The following PCDHA10 variants were observed in gnomAD, a reference collection of about 807,000 sequenced individuals.
PCDHA10 encodes the protein protocadherin alpha-10.
A neutral mutation model predicts 61.2 loss-of-function variants in PCDHA10; 45 were observed. The observed-to-expected ratio is 0.74, with a 90% CI of 0.58 to 0.94. The LOEUF is 0.94. Among genes scored for constraint, PCDHA10 ranks in the 40% least tolerant of loss-of-function variants. The probability of loss-of-function intolerance (pLI) is 0.00; values close to 1 mark genes in which losing one functional copy is unlikely to be tolerated. For missense variants in PCDHA10, 1,278 were observed against 1,236.2 expected (o/e 1.03, Z -0.51); for synonymous variants, 602 against 548.8 (o/e 1.10, Z -1.35).
intron 1 of PCDHA10, chr5:140,884,367 T>G (rs2060126363): frequency 1.2e-6 from 2 of 1,613,928 alleles, no homozygotes; most frequent in Middle Eastern, 3.3e-4. Context: ...AATGTTTACT[T>G]GATCATTGCC....
chr5:140,968,652 ACCTGGACCT>A lies in PCDHA10; in HGVS notation c.2389-10295_2389-10287del, dbSNP rs1332508740. The A allele has an allele frequency of 1.9e-6, 3 of 1,614,000 alleles. No homozygotes were observed. In the African/African-American group the frequency reaches 4.0e-5, roughly 22 times the overall value. On this transcript the variant is annotated intron_variant, in intron 1 of 3. Transcript: ENST00000307360. ...TTTTACCATCTAGCCCAGACTTCTGACCTGGACCTCTTTAAGGTAGAGCTGCACACAGGA... is the reference window on the plus strand; with the variant it reads ...TTTTACCATCTAGCCCAGACTTCTGACTTTAAGGTAGAGCTGCACACAGGA...
rs1171497178 is a variant in PCDHA10, at chr5:140,993,431, C to A, written c.2536+10868C>A. 2.7e-5 allele frequency among the ~76,000 whole-genome samples: 4 copies of A among 149,406 alleles called. No homozygotes were observed. The Admixed American group carries it at 2.7e-4, about 10-fold the overall frequency. On this transcript the variant is annotated intron_variant, in intron 3 of 3. Coordinates refer to ENST00000307360, the MANE Select transcript of PCDHA10 (RefSeq NM_018901.4). ...TCATCAGCATTTCTCTTTTAAAATC[C>A]TTATTCATTCCTGTTCTCCTTCTTT...
At chr5:140,933,043 TTACAG>T (rs2088815102) in intron 1 of PCDHA10, among the ~76,000 whole-genome samples, 1 of 151,992 alleles carries the variant, frequency 6.6e-6, no homozygotes, top group Admixed American at 6.5e-5. Flanking sequence ...TGAATATGGA[TTACAG>T]TCCAGGATCC....
intron 1 of PCDHA10, chr5:140,884,600 C>T: frequency 6.2e-7 from 1 of 1,614,150 alleles, no homozygotes; most frequent in Non-Finnish European, 8.5e-7. Flanking sequence ...CAGCCTTCCT[C>T]CTTGTCTGGG....
chr5:140,973,450 T>C (rs1326852534), intron 1 of PCDHA10, among the ~76,000 whole-genome samples: 1 of 152,250 alleles, frequency 6.6e-6, no homozygotes, highest in Non-Finnish European at 1.5e-5. Context: ...TTATAATGAC[T>C]GGGGCTGTTT....
At chr5:140,883,627 G>A (rs781902332) in intron 1 of PCDHA10, 34 of 1,613,816 alleles carry the variant, frequency 2.1e-5, no homozygotes, top group Non-Finnish European at 2.7e-5. Context: ...ACAACGCGCC[G>A]GCGTTCGCGC....
chr5:140,955,156 G>A (rs556311036), intron 1 of PCDHA10, among the ~76,000 whole-genome samples: 25 of 152,262 alleles, frequency 1.6e-4, no homozygotes, highest in East Asian at 3.9e-4. Context: ...TACCAGTACC[G>A]TGCTGTTTTG....
At chr5:140,870,619 T>C in intron 1 of PCDHA10, 1 of 1,613,150 alleles carries the variant, frequency 6.2e-7, no homozygotes, top group Middle Eastern at 1.7e-4. Flanking sequence ...GCTGTCGAGC[T>C]ACGTGTCGGT....
intron 1 of PCDHA10, among the ~76,000 whole-genome samples, chr5:140,896,499 A>G (rs1029698205): frequency 6.6e-6 from 1 of 150,502 alleles, no homozygotes; most frequent in African/African-American, 2.4e-5. Flanking sequence ...AGTAGCTGGG[A>G]CTGTGCAGGC....
At chr5:140,882,331 C>G (rs781801545) in intron 1 of PCDHA10, 3 of 1,614,214 alleles carry the variant, frequency 1.9e-6, no homozygotes, top group South Asian at 1.1e-5. Flanking sequence ...TTCTGATCCT[C>G]GCAGCCTGGG....
chr5:140,891,974 C>T (rs2063333007), intron 1 of PCDHA10, among the ~76,000 whole-genome samples: 1 of 152,170 alleles, frequency 6.6e-6, no homozygotes, highest in South Asian at 2.1e-4. Context: ...AATTTCCGTT[C>T]TCATAAATTA....
At chr5:140,967,073 G>A (rs1554229137) in intron 1 of PCDHA10, 1 of 1,613,160 alleles carries the variant, frequency 6.2e-7, no homozygotes, top group South Asian at 1.1e-5. Flanking sequence ...CTTCGTCAAC[G>A]AGCGCATTGA....
chr5:140,946,611 AATATAT>A (rs1554217734), intron 1 of PCDHA10, among the ~76,000 whole-genome samples: 5 of 86,812 alleles, frequency 5.8e-5, no homozygotes, highest in African/African-American at 2.5e-4. Context: ...GAAAATGTGA[AATATAT>A]ATATATATAT....
intron 1 of PCDHA10, chr5:140,882,201 CT>C: frequency 6.5e-7 from 1 of 1,528,460 alleles, no homozygotes; most frequent in South Asian, 1.3e-5. Context: ...AAAATTGGGC[CT>C]TGAGAGACAG....
At chr5:140,999,419 G>A (rs2097856786) in intron 3 of PCDHA10, among the ~76,000 whole-genome samples, 1 of 152,182 alleles carries the variant, frequency 6.6e-6, no homozygotes, top group Non-Finnish European at 1.5e-5. Flanking sequence ...TGGGAGCTAA[G>A]AGGCCAAGTA....
intron 1 of PCDHA10, among the ~76,000 whole-genome samples, chr5:140,973,877 A>G (rs782563295): frequency 6.6e-6 from 1 of 152,234 alleles, no homozygotes; most frequent in Non-Finnish European, 1.5e-5. Context: ...AGGTCAGAAT[A>G]ATGTCAATTT....
intron 1 of PCDHA10, among the ~76,000 whole-genome samples, chr5:140,964,114 C>T (rs1227257943): frequency 6.6e-6 from 1 of 151,992 alleles, no homozygotes; most frequent in Non-Finnish European, 1.5e-5. Context: ...TGAGCAATCA[C>T]ATTCTAACAA....
chr5:140,976,190 C>T (rs1402016343), intron 1 of PCDHA10, among the ~76,000 whole-genome samples: 17 of 152,040 alleles, frequency 1.1e-4, no homozygotes, highest in African/African-American at 4.1e-4. Context: ...AATCAATATC[C>T]TGGAAACTCA....
chr5:140,928,288 C>T (rs541893248), intron 1 of PCDHA10: 37 of 1,614,156 alleles, frequency 2.3e-5, no homozygotes, highest in East Asian at 4.5e-5. Flanking sequence ...CTCTCTAGGC[C>T]GAGTGTTTGC....
Sources: allele counts gnomAD v4.1 joint callset (sites outside exome capture counted in the v4.1 genomes callset), GRCh38; gene constraint gnomAD v4.1.1; transcripts MANE v1.5; gene names NCBI Gene and HGNC (gene_info 2026-07-23, HGNC 2026-07-21).